Variants in EYS observed in about 807,000 individuals in gnomAD.
EYS encodes the protein EGF-like photoreceptor maintenance factor.
A neutral mutation model predicts 282.1 loss-of-function variants in EYS; 250 were observed. That is an observed-to-expected ratio of 0.89 (90% confidence interval 0.80 to 0.98). The LOEUF is 0.98. EYS is among the 50% of genes least tolerant of loss of function. The probability of loss-of-function intolerance (pLI) is 0.00; values close to 1 mark genes in which losing one functional copy is unlikely to be tolerated. For missense variants in EYS, 4,016 were observed against 3,709.0 expected (o/e 1.08, Z -2.15); for synonymous variants, 1,355 against 1,282.9 (o/e 1.06, Z -1.20).
chr6:64,455,989 A>G (rs1775547019), intron 26 of EYS, among the ~76,000 whole-genome samples: 1 of 152,130 alleles, frequency 6.6e-6, no homozygotes, highest in Non-Finnish European at 1.5e-5. Flanking sequence ...GTATGTACAC[A>G]TATGAATTTC....
chr6:64,006,520 C>T (rs772013183), intron 33 of EYS, among the ~76,000 whole-genome samples: 8 of 152,066 alleles, frequency 5.3e-5, no homozygotes, highest in Non-Finnish European at 7.4e-5. Flanking sequence ...ACTTCCAGTA[C>T]TATGTTGGAT....
intron 29 of EYS, among the ~76,000 whole-genome samples, chr6:64,381,742 T>G (rs1292904603): frequency 6.6e-6 from 1 of 152,232 alleles, no homozygotes; most frequent in African/African-American, 2.4e-5. Context: ...ACTTTTTAAG[T>G]GATGCCAGAT....
intron 29 of EYS, among the ~76,000 whole-genome samples, chr6:64,355,320 G>T (rs1019831551): frequency 1.3e-5 from 2 of 151,452 alleles, no homozygotes; most frequent in African/African-American, 4.8e-5. Context: ...TGGCTTCCAG[G>T]TCCCTTAGTT....
At chr6:64,522,374 G>A (rs188116310) in intron 26 of EYS, among the ~76,000 whole-genome samples, 225 of 151,772 alleles carry the variant, frequency 1.5e-3, no homozygotes, top group African/African-American at 5.1e-3. Flanking sequence ...TCTAACTAGT[G>A]TTAGAATGTA....
chr6:64,473,083 C>T (rs972206264), intron 26 of EYS, among the ~76,000 whole-genome samples: 1 of 152,032 alleles, frequency 6.6e-6, no homozygotes, highest in East Asian at 1.9e-4. Flanking sequence ...TCAACTTATA[C>T]TCATTAGGCA....
chr6:64,211,395 G>T (rs1050243640), intron 31 of EYS, among the ~76,000 whole-genome samples: 3 of 151,974 alleles, frequency 2.0e-5, no homozygotes, highest in Non-Finnish European at 4.4e-5. Flanking sequence ...ATTGGTTCAA[G>T]CAGTGCTTAA....
intron 8 of EYS, among the ~76,000 whole-genome samples, chr6:65,356,260 T>G (rs1764481889): frequency 6.6e-6 from 1 of 152,068 alleles, no homozygotes; most frequent in African/African-American, 2.4e-5. Context: ...TCTAAGGTAT[T>G]TTGTTTTGTC....
At chr6:64,454,237 T>G (rs989090966) in intron 26 of EYS, among the ~76,000 whole-genome samples, 1 of 152,168 alleles carries the variant, frequency 6.6e-6, no homozygotes, top group Non-Finnish European at 1.5e-5. Context: ...CCTATTCCAT[T>G]TGACAGATTG....
chr6:64,042,355 CT>C (rs1393225992), intron 33 of EYS, among the ~76,000 whole-genome samples: 1 of 152,196 alleles, frequency 6.6e-6, no homozygotes, highest in African/African-American at 2.4e-5. Context: ...TTGTAAACCA[CT>C]TTAGGGAAAC....
chr6:65,528,772 A>G (rs905360821), intron 2 of EYS, among the ~76,000 whole-genome samples: 1 of 152,234 alleles, frequency 6.6e-6, no homozygotes, highest in Non-Finnish European at 1.5e-5. Flanking sequence ...TTACATATAA[A>G]GTAAAGAGAA....
intron 12 of EYS, among the ~76,000 whole-genome samples, chr6:65,236,594 T>C (rs1766930797): frequency 6.7e-6 from 1 of 150,096 alleles, no homozygotes; most frequent in South Asian, 2.1e-4. Context: ...GGCAACAGAG[T>C]GAGACTCTGT....
chr6:64,449,113 A>C (rs927716341), intron 26 of EYS, among the ~76,000 whole-genome samples: 1 of 152,176 alleles, frequency 6.6e-6, no homozygotes, highest in African/African-American at 2.4e-5. Context: ...TTTAAAAAAA[A>C]ATTAGACGAA....
At chr6:63,999,211 T>C in intron 33 of EYS, 28 bp from the exon 34 acceptor site, 1 of 1,464,484 alleles carries the variant, frequency 6.8e-7, no homozygotes, top group Non-Finnish European at 9.4e-7. Context: ...GAGGCCATTA[T>C]GATATGTGTT....
intron 31 of EYS, among the ~76,000 whole-genome samples, chr6:64,177,315 T>C (rs759691950): frequency 6.9e-5 from 10 of 145,626 alleles, no homozygotes; most frequent in Non-Finnish European, 1.2e-4. Flanking sequence ...TTCTTTTAAA[T>C]GAGACAATTT....
chr6:64,197,237 G>C (rs1366825550), intron 31 of EYS, among the ~76,000 whole-genome samples: 1 of 152,040 alleles, frequency 6.6e-6, no homozygotes, highest in African/African-American at 2.4e-5. Context: ...TCTACCCTCT[G>C]CTGTTGAGAG....
intron 22 of EYS, among the ~76,000 whole-genome samples, chr6:64,634,478 C>T (rs114594931): frequency 5.3e-5 from 8 of 150,736 alleles, no homozygotes; most frequent in South Asian, 4.2e-4. Flanking sequence ...TAGGCTAATA[C>T]GGGCAAACTT....
chr6:64,836,058 G>T (rs532656243), intron 19 of EYS, among the ~76,000 whole-genome samples: 1 of 151,036 alleles, frequency 6.6e-6, no homozygotes, highest in Non-Finnish European at 1.5e-5. Flanking sequence ...GAAAATAATC[G>T]CTCAAATCTC....
At chr6:65,358,162 T>C (rs1764565404) in intron 8 of EYS, among the ~76,000 whole-genome samples, 1 of 152,038 alleles carries the variant, frequency 6.6e-6, no homozygotes, top group Non-Finnish European at 1.5e-5. Flanking sequence ...TAAATTTATT[T>C]AAATTAATAT....
At chr6:64,313,301 A>T (rs978588694) in intron 29 of EYS, among the ~76,000 whole-genome samples, 1 of 62,512 alleles carries the variant, frequency 1.6e-5, no homozygotes, top group Admixed American at 1.7e-4. Context: ...AGATCAACTC[A>T]ATGAAATAAA....
Sources: allele counts gnomAD v4.1 joint callset (sites outside exome capture counted in the v4.1 genomes callset), GRCh38; gene constraint gnomAD v4.1.1; transcripts MANE v1.5; gene names NCBI Gene and HGNC (gene_info 2026-07-23, HGNC 2026-07-21).